The following LRBA variants were observed in gnomAD, a reference collection of about 807,000 sequenced individuals.
LRBA encodes the protein LPS responsive beige-like anchor protein.
LRBA carries 176 observed loss-of-function variants against 330.0 expected under a neutral mutation model. That is an observed-to-expected ratio of 0.53 (90% CI 0.47 to 0.60). The LOEUF (loss-of-function observed/expected upper bound fraction) is 0.60. Among genes scored for constraint, LRBA ranks in the 20% least tolerant of loss-of-function variants. The probability of loss-of-function intolerance (pLI) is 0.00; values close to 1 mark genes in which losing one functional copy is unlikely to be tolerated. For missense variants in LRBA, 3,259 were observed against 3,444.8 expected, an observed-to-expected ratio of 0.95 and a Z score of 1.35; for synonymous variants, 1,230 against 1,193.0, an observed-to-expected ratio of 1.03 and a Z score of -0.64.
chr4:150,510,751 T>C (rs1170217654), intron 40 of LRBA, among the ~76,000 whole-genome samples: 4 of 152,208 alleles, frequency 2.6e-5, no homozygotes, highest in Non-Finnish European at 4.4e-5. Context: ...AGAGCTAAGA[T>C]ATTAGAGGTC....
chr4:151,008,321 T>G (rs1579483990), intron 2 of LRBA, among the ~76,000 whole-genome samples: 1 of 152,046 alleles, frequency 6.6e-6, no homozygotes, highest in Non-Finnish European at 1.5e-5. Context: ...CCTCAGGTGA[T>G]CCACCTGCCT....
chr4:150,720,918 T>C (rs1325661284), intron 36 of LRBA: 6 of 360,746 alleles, frequency 1.7e-5, no homozygotes, highest in Admixed American at 6.8e-5. Context: ...AACAAAGCAA[T>C]GTCTGCAAAG....
At chr4:150,973,530 T>A (rs1739818623) in intron 2 of LRBA, among the ~76,000 whole-genome samples, 1 of 152,204 alleles carries the variant, frequency 6.6e-6, no homozygotes, top group Admixed American at 6.5e-5. Context: ...TTGTTCTACA[T>A]TAATATTTCA....
intron 37 of LRBA, among the ~76,000 whole-genome samples, chr4:150,609,856 G>A (rs1775048454): frequency 6.6e-6 from 1 of 152,198 alleles, no homozygotes; most frequent in Admixed American, 6.5e-5. Context: ...ATTGGGGGTA[G>A]GAGGTGGGTA....
Position 150,321,157 on chromosome 4 carries a change from T to C in LRBA, c.7630+34A>G. 6.4e-7 allele frequency: 1 copy of C among 1,568,686 alleles called. No homozygotes were observed. The highest frequency in any genetic ancestry group is 8.7e-7 in the Non-Finnish European group (1 of 1,148,156). On this transcript the variant is annotated intron_variant, in intron 50 of 56. Transcript: ENST00000651943. The surrounding 1 kb of genome is among the most constrained non-coding windows in gnomAD (Gnocchi z 4.5). Reference sequence around the variant, plus strand: ...GTGGGTATTACACAGTGTTCAGCAGTTACCATGCCTTATAATGGTATTTCT... The same window carrying C: ...GTGGGTATTACACAGTGTTCAGCAGCTACCATGCCTTATAATGGTATTTCT...
intron 49 of LRBA, among the ~76,000 whole-genome samples, chr4:150,323,018 TG>T (rs1561012569): frequency 0.011 from 1,536 of 144,566 alleles, 27 homozygotes; most frequent in African/African-American, 0.038. Context: ...TGTGTGTGTG[TG>T]TGTGTGGGGA....
intron 51 of LRBA, among the ~76,000 whole-genome samples, chr4:150,311,909 T>C (rs1288464690): frequency 2.0e-5 from 3 of 151,760 alleles, no homozygotes; most frequent in Non-Finnish European, 4.4e-5. Flanking sequence ...TATGATACAA[T>C]TTTTTTTTAA....
At chr4:150,323,118 A>G (rs1360875636) in intron 49 of LRBA, among the ~76,000 whole-genome samples, 1 of 151,702 alleles carries the variant, frequency 6.6e-6, no homozygotes, top group African/African-American at 2.4e-5. Context: ...TAGTATCACT[A>G]GTTTTTGTCA....
chr4:150,967,648 T>C (rs981811921), intron 2 of LRBA, among the ~76,000 whole-genome samples: 11 of 152,346 alleles, frequency 7.2e-5, no homozygotes, highest in East Asian at 1.9e-4. Context: ...AGCAGGTCCA[T>C]TGGCACCATT....
intron 34 of LRBA, among the ~76,000 whole-genome samples, chr4:150,793,340 T>C (rs770744403): frequency 1.3e-5 from 2 of 151,826 alleles, no homozygotes; most frequent in Non-Finnish European, 2.9e-5. Context: ...CACAAGAAAA[T>C]GAAAAACCAA....
Position 150,302,779 on chromosome 4 carries a change from T to C in LRBA, c.7863A>G (p.Gln2621=). 1.3e-6 allele frequency: 2 copies of C among 1,596,466 alleles called. No individual in the cohort carries two copies. Among genetic ancestry groups the C allele is most frequent in the Non-Finnish European group, 1.7e-6 (2 of 1,171,732 alleles). Residue 2621 remains glutamine (Q), a synonymous_variant, in exon 53 of 57, where the codon CAA becomes CAG. Transcript: ENST00000651943. ...CGACATCCCAATGGCCAAACACCAC[T>C]TGGATCAATCTTCCTGTAATGCAAA... The part of the protein sequence containing the change: ...VYSTDTGRLI[Q]VVFGHWDVVT...
chr4:150,302,237 T>C (rs992831707), intron 53 of LRBA, among the ~76,000 whole-genome samples: 8 of 151,030 alleles, frequency 5.3e-5, no homozygotes, highest in African/African-American at 1.9e-4. Context: ...TTATCAAGAC[T>C]AGTTTGTTTC....
At chr4:150,681,236 A>G (rs1414359873) in intron 37 of LRBA, among the ~76,000 whole-genome samples, 1 of 152,226 alleles carries the variant, frequency 6.6e-6, no homozygotes, top group African/African-American at 2.4e-5. Context: ...TGCTAAGTGA[A>G]GAACAAAGTA....
intron 38 of LRBA, among the ~76,000 whole-genome samples, 164 bp from the exon 39 acceptor site, chr4:150,591,023 G>GA (rs1362757933): frequency 1.3e-5 from 2 of 152,052 alleles, no homozygotes; most frequent in Non-Finnish European, 2.9e-5. Context: ...TGCCTGATCT[G>GA]ACAAACTCGA....
At chr4:150,501,635 C>G (rs1203428879) in intron 40 of LRBA, among the ~76,000 whole-genome samples, 1 of 151,720 alleles carries the variant, frequency 6.6e-6, no homozygotes, top group Non-Finnish European at 1.5e-5. Flanking sequence ...ATCTAAGATT[C>G]TGGGAACACA....
chr4:150,776,991 C>A (rs774412964), intron 34 of LRBA, among the ~76,000 whole-genome samples: 6 of 151,798 alleles, frequency 4.0e-5, no homozygotes, highest in Non-Finnish European at 8.8e-5. Flanking sequence ...ATGAAAAAAA[C>A]TATGAAAATA....
rs754614265 is a variant in LRBA, at chr4:150,597,073, C to A, written c.6046+1934G>T. 2.2e-6 allele frequency: 3 copies of A among 1,336,184 alleles called. No individual in the cohort carries two copies. The South Asian group carries it at 4.0e-5, about 18-fold the overall frequency. The allele number at this position is 1,336,184 out of a possible 1,614,324, so 82.8% of individuals were successfully genotyped here. On this transcript the variant is annotated intron_variant, in intron 38 of 56. Coordinates refer to ENST00000651943, the MANE Select transcript of LRBA (RefSeq NM_001364905.1). ...CATAAAATTACTATAAAATATTACT[C>A]AATGCTTACCTTTGCTGTTCTCTCT...
At chr4:150,667,037 G>T (rs924739219) in intron 37 of LRBA, among the ~76,000 whole-genome samples, 1 of 152,040 alleles carries the variant, frequency 6.6e-6, no homozygotes, top group Non-Finnish European at 1.5e-5. Flanking sequence ...CCAGTGTCAC[G>T]TATCTGTTAA....
intron 35 of LRBA, among the ~76,000 whole-genome samples, chr4:150,750,643 G>A (rs1478420998): frequency 6.6e-6 from 1 of 151,924 alleles, no homozygotes; most frequent in Non-Finnish European, 1.5e-5. Context: ...ATGTTGCTCA[G>A]GCTGGTCTTG....
Sources: allele counts gnomAD v4.1 joint callset (sites outside exome capture counted in the v4.1 genomes callset), GRCh38; gene constraint gnomAD v4.1.1; non-coding constraint Gnocchi (gnomAD v3.1); transcripts MANE v1.5; gene names NCBI Gene and HGNC (gene_info 2026-07-23, HGNC 2026-07-21).